Variants in ZNF385D observed in about 807,000 individuals in gnomAD.
The protein encoded by ZNF385D is zinc finger protein 659.
In ZNF385D, 15 loss-of-function variants were observed where a neutral mutation model predicts 35.8. The ratio of observed to expected loss-of-function variants is 0.42; its 90% CI spans 0.28 to 0.64. The LOEUF is 0.64. ZNF385D is among the 30% of genes least tolerant of loss of function. ZNF385D has a pLI of 0.23. For missense variants in ZNF385D, 474 were observed against 494.6 expected (o/e 0.96, Z 0.39); for synonymous variants, 212 against 186.8 (o/e 1.13, Z -1.10).
At chr3:22,370,749 C>G (rs1454269597) in intron 2 of ZNF385D, among the ~76,000 whole-genome samples, 1 of 152,156 alleles carries the variant, frequency 6.6e-6, no homozygotes, top group African/African-American at 2.4e-5. Flanking sequence ...AACAACGCCA[C>G]CTTCTTGGGA....
intron 3 of ZNF385D, among the ~76,000 whole-genome samples, chr3:22,060,295 C>G (rs895465235): frequency 6.6e-6 from 1 of 152,150 alleles, no homozygotes; most frequent in Non-Finnish European, 1.5e-5. Context: ...TCTGTATACC[C>G]TATTGGTTCT....
At chr3:22,323,432 C>G (rs1694537907) in intron 2 of ZNF385D, among the ~76,000 whole-genome samples, 1 of 152,120 alleles carries the variant, frequency 6.6e-6, no homozygotes, top group African/African-American at 2.4e-5. Flanking sequence ...GTGCTGGGTC[C>G]TAAGATTCCC....
intron 3 of ZNF385D, among the ~76,000 whole-genome samples, chr3:22,024,792 G>A (rs1697436290): frequency 6.6e-6 from 1 of 152,088 alleles, no homozygotes; most frequent in Non-Finnish European, 1.5e-5. Flanking sequence ...AAGCTGGATG[G>A]TTGCTCCTAA....
intron 2 of ZNF385D, among the ~76,000 whole-genome samples, chr3:22,177,059 G>T (rs1694880079): frequency 6.6e-6 from 1 of 152,130 alleles, no homozygotes; most frequent in Non-Finnish European, 1.5e-5. Flanking sequence ...CTATTTTAGG[G>T]ATATCTTCTT....
At chr3:22,164,863 A>G (rs1407218058) in intron 3 of ZNF385D, among the ~76,000 whole-genome samples, 1 of 152,204 alleles carries the variant, frequency 6.6e-6, no homozygotes, top group Non-Finnish European at 1.5e-5. Context: ...CAAGCCATAA[A>G]AAGACACAGA....
At position 22,266,422 on chromosome 3, in the gene ZNF385D, G is replaced by C. The variant is rs1289586322; in HGVS notation, c.107-97387C>G. On this transcript the variant is annotated intron_variant, in intron 2 of 5. Coordinates refer to the ZNF385D transcript ENST00000494108. ...CTCAAGTAAAACCAGCGGGTAAGAA[G>C]AGGTGTAGGGATCAGGACTCCTGTT... 2.6e-5 allele frequency among the ~76,000 whole-genome samples: 4 copies of C among 152,038 alleles called. No individual in the cohort carries two copies. The South Asian group carries it at 6.2e-4, about 24-fold the overall frequency.
intron 2 of ZNF385D, among the ~76,000 whole-genome samples, chr3:22,170,444 T>A (rs1694332799): frequency 6.6e-6 from 1 of 152,234 alleles, no homozygotes; most frequent in Non-Finnish European, 1.5e-5. Flanking sequence ...AATACTTGAA[T>A]CTATTTATGG....
chr3:22,068,355 T>A (rs114516091), intron 3 of ZNF385D, among the ~76,000 whole-genome samples: 2,203 of 152,284 alleles, frequency 0.014, 56 homozygotes, highest in African/African-American at 0.051. Context: ...CTTTACCGCC[T>A]GTCCCTTCAT....
intron 3 of ZNF385D, among the ~76,000 whole-genome samples, chr3:21,841,825 C>T (rs564009577): frequency 3.3e-5 from 5 of 151,570 alleles, no homozygotes; most frequent in Admixed American, 6.6e-5. Flanking sequence ...TTTGTAAATT[C>T]GCAATTCATA....
At chr3:21,788,049 A>C (rs960419181) in intron 3 of ZNF385D, among the ~76,000 whole-genome samples, 5 of 151,778 alleles carry the variant, frequency 3.3e-5, no homozygotes, top group African/African-American at 4.8e-5. Flanking sequence ...CATTAAAAAA[A>C]CCCAAAAGAA....
chr3:22,043,279 G>C (rs1357716618), intron 3 of ZNF385D, among the ~76,000 whole-genome samples: 1 of 152,082 alleles, frequency 6.6e-6, no homozygotes, highest in Non-Finnish European at 1.5e-5. Flanking sequence ...AACAATGTAT[G>C]GTTCAAACAC....
intron 3 of ZNF385D, among the ~76,000 whole-genome samples, chr3:21,551,065 C>T (rs2062551892): frequency 1.3e-5 from 2 of 152,154 alleles, no homozygotes; most frequent in South Asian, 4.2e-4. Context: ...TGAATAATAC[C>T]ATGTAAGAGA....
At chr3:21,766,591 T>C (rs972454973) in intron 3 of ZNF385D, among the ~76,000 whole-genome samples, 2 of 152,276 alleles carry the variant, frequency 1.3e-5, no homozygotes, top group African/African-American at 2.4e-5. Flanking sequence ...TTGAGGGAGA[T>C]ATTGCAGTAG....
At chr3:21,763,499 T>G (rs1014482553) in intron 3 of ZNF385D, among the ~76,000 whole-genome samples, 4 of 152,186 alleles carry the variant, frequency 2.6e-5, no homozygotes, top group African/African-American at 9.6e-5. Flanking sequence ...GTATTGGTGT[T>G]TAAAACTTCT....
At chr3:22,159,087 GAAA>G (rs989019572) in intron 3 of ZNF385D, among the ~76,000 whole-genome samples, 11 of 149,264 alleles carry the variant, frequency 7.4e-5, no homozygotes, top group African/African-American at 2.8e-4. Flanking sequence ...AAAAGATGAA[GAAA>G]CAAGGTAGCT....
chr3:22,284,237 G>A (rs1031533101), intron 2 of ZNF385D, among the ~76,000 whole-genome samples: 14 of 152,246 alleles, frequency 9.2e-5, no homozygotes, highest in Middle Eastern at 3.4e-3. Context: ...TGCTCAGGCT[G>A]GAGTGCAGTG....
At chr3:21,677,148 A>C (rs989133624) in intron 1 of ZNF385D, among the ~76,000 whole-genome samples, 2 of 152,112 alleles carry the variant, frequency 1.3e-5, no homozygotes, top group South Asian at 4.1e-4. Flanking sequence ...GGACGCAAAT[A>C]ATCAGTGGGA....
At chr3:22,295,577 A>G (rs1702528554) in intron 2 of ZNF385D, among the ~76,000 whole-genome samples, 1 of 152,298 alleles carries the variant, frequency 6.6e-6, no homozygotes. Context: ...AACTTAATGA[A>G]AAAAGTTTTT....
rs145878099 is a variant in ZNF385D, at chr3:21,776,129, T to C, written c.326-111101A>G. Among the ~76,000 whole-genome samples the C allele has an allele frequency of 3.9e-5, 6 of 152,002 alleles. No individual in the cohort carries two copies. The East Asian group carries it at 1.2e-3, about 29-fold the overall frequency. On this transcript the variant is annotated intron_variant, in intron 3 of 5. Transcript: ENST00000494108. ...ATGTTAATTATTTAATTATATCCTA[T>C]ATTATGAGTGTGTCATATTTACATA... is the stretch of plus-strand genomic sequence containing the variant.
Sources: allele counts gnomAD v4.1 joint callset (sites outside exome capture counted in the v4.1 genomes callset), GRCh38; gene constraint gnomAD v4.1.1; transcripts MANE v1.5; gene names NCBI Gene and HGNC (gene_info 2026-07-23, HGNC 2026-07-21).